BAIAP2L1: variants seen among roughly 807,000 people sequenced by gnomAD.
BAIAP2L1 encodes BAR/IMD domain-containing adapter protein 2-like 1.
A neutral mutation model predicts 66.3 loss-of-function variants in BAIAP2L1; 35 were observed. The observed-to-expected ratio is 0.53, with a 90% confidence interval of 0.40 to 0.70. The LOEUF (loss-of-function observed/expected upper bound fraction) is 0.70. BAIAP2L1 is among the 30% of genes least tolerant of loss of function. The pLI, the probability that BAIAP2L1 is intolerant of heterozygous loss-of-function variation, is 0.00. For synonymous variants in BAIAP2L1, 269 were observed against 248.7 expected, an observed-to-expected ratio of 1.08 and a Z score of -0.77; for missense variants, 622 against 656.9, an observed-to-expected ratio of 0.95 and a Z score of 0.58.
rs372261639 is a variant in BAIAP2L1 at position 98,315,609 on chromosome 7, C to T, written c.490G>A (p.Val164Met). The T allele has an allele frequency of 4.1e-5, 49 of 1,185,238 alleles. No homozygotes were observed. The highest frequency in any genetic ancestry group is 4.9e-4 in the Middle Eastern group (2 of 4,062). 73.4% of individuals were successfully genotyped at this position (1,185,238 alleles called of 1,614,324 possible). ...LKYEHKEIEY[V>M]ETVTSRQSEI... Reference sequence around the variant, plus strand: ...CTCTGACGAGAAGTAACGGTCTCCACATACTAAAAAAAAAAAAATAATAAT... The same window carrying T: ...CTCTGACGAGAAGTAACGGTCTCCATATACTAAAAAAAAAAAAATAATAAT... The change falls in exon 7 of 14, where the codon GTG becomes ATG. Residue 164 changes from valine to methionine, a missense_variant. Transcript: ENST00000005260.
chr7:98,362,186 A>T (rs113145744), intron 2 of BAIAP2L1, among the ~76,000 whole-genome samples, 171 bp downstream of exon 2: 1 of 152,346 alleles, frequency 6.6e-6, no homozygotes, highest in Non-Finnish European at 1.5e-5. Context: ...ACTTGTTTCA[A>T]ATACGCTAAT....
chr7:98,310,391 A>T, intron 9 of BAIAP2L1, 54 bp downstream of exon 9: 3 of 1,532,520 alleles, frequency 2.0e-6, no homozygotes, highest in Non-Finnish European at 2.6e-6. Context: ...TTCACAGCTT[A>T]TCTTAAAACA....
intron 3 of BAIAP2L1, among the ~76,000 whole-genome samples, chr7:98,335,767 CT>C (rs1370332920): frequency 2.6e-5 from 4 of 152,172 alleles, no homozygotes; most frequent in African/African-American, 9.6e-5. Flanking sequence ...GCAGATGCCC[CT>C]GAAGGACCAC....
intron 1 of BAIAP2L1, among the ~76,000 whole-genome samples, chr7:98,389,897 C>T (rs1281050175): frequency 4.7e-5 from 7 of 148,598 alleles, no homozygotes; most frequent in Non-Finnish European, 7.5e-5. Flanking sequence ...GCCTGTTGCA[C>T]GTGTAGTCTT....
chr7:98,361,308 G>A (rs574581327), intron 2 of BAIAP2L1, among the ~76,000 whole-genome samples: 37 of 151,748 alleles, frequency 2.4e-4, no homozygotes, highest in Non-Finnish European at 2.5e-4. Context: ...AGTGAGCCGA[G>A]ATTGTTCCAC....
intron 6 of BAIAP2L1, 85 bp from the exon 7 acceptor site, chr7:98,315,697 G>T: frequency 1.6e-6 from 1 of 644,686 alleles, no homozygotes. Flanking sequence ...TTTATCTTCT[G>T]CCATCTTTAC....
chr7:98,321,712 A>G (rs1419785442), intron 3 of BAIAP2L1, among the ~76,000 whole-genome samples: 1 of 152,146 alleles, frequency 6.6e-6, no homozygotes, highest in African/African-American at 2.4e-5. Flanking sequence ...ACATAGACTC[A>G]TCTGGAACCA....
rs550072949 is a variant in BAIAP2L1 at position 98,361,517 on chromosome 7, G to C, written c.127+840C>G. Among the ~76,000 whole-genome samples, 3 of 152,194 alleles carry C rather than the reference G, an allele frequency of 2.0e-5. No individual in the cohort carries two copies. The South Asian group carries it at 6.2e-4, about 32-fold the overall frequency. ...GGTGAAACTGGGGTCTGAGTGTTTT[G>C]GGGTGATACTTGCTACATTTTGGGG... On this transcript the variant is annotated intron_variant, in intron 2 of 13. Coordinates refer to ENST00000005260, the MANE Select transcript of BAIAP2L1 (RefSeq NM_018842.5).
At chr7:98,354,604 C>T (rs900699064) in intron 3 of BAIAP2L1, among the ~76,000 whole-genome samples, 6 of 152,072 alleles carry the variant, frequency 3.9e-5, no homozygotes, top group South Asian at 2.1e-4. Context: ...CCAGCAGAAC[C>T]GGAAAAATCA....
chr7:98,306,306 T>G lies in BAIAP2L1; in HGVS notation c.1241+133A>C, dbSNP rs890332505. 13 of 1,077,688 alleles carry G rather than the reference T, an allele frequency of 1.2e-5. No individual in the cohort carries two copies. The African/African-American group carries it at 1.4e-4, about 12-fold the overall frequency. The allele number at this position is 1,077,688 out of a possible 1,614,324, so 66.8% of individuals were successfully genotyped here. On this transcript the variant is annotated intron_variant, in intron 11 of 13. Coordinates refer to ENST00000005260, the MANE Select transcript of BAIAP2L1 (RefSeq NM_018842.5). ...CGGCAGACAGCACTGTGAGCCGCGG[T>G]CTCATCTCTGACTAGTCCACGAGAG...
intron 1 of BAIAP2L1, among the ~76,000 whole-genome samples, chr7:98,376,313 G>C (rs1802627365): frequency 6.6e-6 from 1 of 151,764 alleles, no homozygotes; most frequent in South Asian, 2.1e-4. Context: ...GAACAGCCTG[G>C]GCAACATAGT....
At chr7:98,304,951 C>T (rs556709786) in intron 11 of BAIAP2L1, among the ~76,000 whole-genome samples, 9 of 150,958 alleles carry the variant, frequency 6.0e-5, no homozygotes, top group South Asian at 2.1e-4. Context: ...CTGCAACATC[C>T]GCCTCCCTGG....
chr7:98,310,319 G>A lies in BAIAP2L1; in HGVS notation c.955+126C>T. On this transcript the variant is annotated intron_variant, in intron 9 of 13. Coordinates refer to ENST00000005260, the MANE Select transcript of BAIAP2L1 (RefSeq NM_018842.5). The stretch of plus-strand genomic sequence containing the variant: ...ACGCTCTGCAAAGCCAGGGCTGAAT[G>A]TATCTACCATACCTGCTTGTTTACC... The A allele has an allele frequency of 5.8e-6, 6 of 1,043,004 alleles. No individual in the cohort carries two copies. The South Asian group carries it at 9.8e-5, about 17-fold the overall frequency. 64.6% of individuals were successfully genotyped at this position (1,043,004 alleles called of 1,614,324 possible). A position where few individuals can be genotyped will look rare whatever the true frequency, so the allele number is the denominator to read the frequency against.
intron 12 of BAIAP2L1, among the ~76,000 whole-genome samples, chr7:98,297,208 C>T (rs987882095): frequency 1.3e-5 from 2 of 152,224 alleles, no homozygotes; most frequent in African/African-American, 4.8e-5. Flanking sequence ...CCGCAAGAAT[C>T]CAAGAATCCA....
At chr7:98,393,874 C>T (rs1003888139) in intron 1 of BAIAP2L1, among the ~76,000 whole-genome samples, 8 of 147,334 alleles carry the variant, frequency 5.4e-5, no homozygotes, top group East Asian at 2.0e-4. Flanking sequence ...GAGGCCGAGG[C>T]GGGCGGATCA....
At chr7:98,305,040 GTT>G (rs1386050479) in intron 11 of BAIAP2L1, among the ~76,000 whole-genome samples, 1 of 87,152 alleles carries the variant, frequency 1.1e-5, no homozygotes, top group African/African-American at 5.1e-5. Flanking sequence ...TAATTTTTTT[GTT>G]TTTTGTTTTT....
intron 3 of BAIAP2L1, among the ~76,000 whole-genome samples, chr7:98,342,278 C>T (rs187599476): frequency 1.1e-3 from 172 of 152,170 alleles, no homozygotes; most frequent in African/African-American, 4.0e-3. Flanking sequence ...TCTCAAACTC[C>T]TGGCCTCAGG....
chr7:98,328,495 C>CTT (rs1172109300), intron 3 of BAIAP2L1, among the ~76,000 whole-genome samples: 1 of 152,046 alleles, frequency 6.6e-6, no homozygotes, highest in African/African-American at 2.4e-5. Context: ...GGGTACTGTG[C>CTT]TTTCCAGTGT....
chr7:98,384,848 G>A (rs1003085045), intron 1 of BAIAP2L1, among the ~76,000 whole-genome samples: 12 of 151,874 alleles, frequency 7.9e-5, no homozygotes, highest in African/African-American at 1.7e-4. Context: ...ACAGGTGCCC[G>A]CCACCACGCC....
Sources: allele counts gnomAD v4.1 joint callset (sites outside exome capture counted in the v4.1 genomes callset), GRCh38; gene constraint gnomAD v4.1.1; transcripts MANE v1.5; gene names NCBI Gene and HGNC (gene_info 2026-07-23, HGNC 2026-07-21).